The following MAPK8IP3 variants were observed in gnomAD, a reference collection of about 807,000 sequenced individuals.
MAPK8IP3 encodes mitogen-activated protein kinase 8 interacting protein 3, also known as C-Jun-amino-terminal kinase-interacting protein 3.
A neutral mutation model predicts 157.8 loss-of-function variants in MAPK8IP3; 49 were observed. That is an observed-to-expected ratio of 0.31 (90% confidence interval 0.25 to 0.39). The LOEUF (loss-of-function observed/expected upper bound fraction) is 0.39, where lower values mean the gene tolerates loss of function less well. Ranked by LOEUF, MAPK8IP3 falls within the 10% of genes least tolerant of loss-of-function variation. The probability of loss-of-function intolerance (pLI) is 1.00; values close to 1 mark genes in which losing one functional copy is unlikely to be tolerated. For synonymous variants in MAPK8IP3, 897 were observed against 777.7 expected (o/e 1.15, Z -2.55); for missense variants, 1,478 against 1,889.4 (o/e 0.78, Z 4.04).
intron 1 of MAPK8IP3, among the ~76,000 whole-genome samples, chr16:1,713,082 C>T (rs2037902012): frequency 6.6e-6 from 1 of 152,232 alleles, no homozygotes; most frequent in Non-Finnish European, 1.5e-5. Context: ...CCAAACTGTG[C>T]AGTTCCGGAA....
At position 1,724,415 on chromosome 16, in the gene MAPK8IP3, T is replaced by C. The variant is rs1000701693; in HGVS notation, c.319-142T>C. The C allele has an allele frequency of 3.5e-6, 4 of 1,154,948 alleles. No homozygotes were observed. The highest frequency in any genetic ancestry group is 1.5e-5 in the African/African-American group (1 of 64,774). 71.5% of individuals were successfully genotyped at this position (1,154,948 alleles called of 1,614,324 possible). ...ACAGCCACGTGGCGGGAAGCCCCCA[T>C]TCCGGCCTGGCCATGGGCCAGCTTG... On this transcript the variant is annotated intron_variant, in intron 1 of 31. Transcript: ENST00000610761. The surrounding 1 kb of genome is among the most constrained non-coding windows in gnomAD (Gnocchi z 4.1).
At position 1,763,745 on chromosome 16, in the gene MAPK8IP3, C is replaced by T; in HGVS notation, c.1987C>T (p.Gln663Ter). 6.3e-7 allele frequency: 1 copy of T among 1,589,620 alleles called. No homozygotes were observed. The highest frequency in any genetic ancestry group is 8.6e-7 in the Non-Finnish European group (1 of 1,166,906). The change falls in exon 17 of 32, where the codon CAG (glutamine) becomes TAG (stop). Residue 663 changes from glutamine (Q) to a stop codon, truncating the protein, a stop_gained. Coordinates refer to ENST00000610761, the MANE Select transcript of MAPK8IP3 (RefSeq NM_001318852.2). LOFTEE classifies it high-confidence loss of function. ...EHVRNDDGRL[Q>*]ACGWSLPAKY... ...CGTGCGTAACGACGACGGCCGTCTG[C>T]AGGCCTGCGGCTGGAGCCTGCCCGC... is the stretch of plus-strand genomic sequence containing the variant.
chr16:1,720,119 C>T (rs2038420979), intron 1 of MAPK8IP3, among the ~76,000 whole-genome samples: 1 of 152,258 alleles, frequency 6.6e-6, no homozygotes, highest in South Asian at 2.1e-4. Flanking sequence ...TCTTGGCTCA[C>T]TGCAACCTGG....
intron 4 of MAPK8IP3, among the ~76,000 whole-genome samples, chr16:1,738,908 T>C (rs1413592304): frequency 8.3e-6 from 1 of 120,672 alleles, no homozygotes; most frequent in Admixed American, 9.1e-5. Flanking sequence ...ACCATCCGTG[T>C]AGCATCCATG....
rs2040663916 is a variant in MAPK8IP3, at chr16:1,741,300, G to A, written c.603-2032G>A. Among the ~76,000 whole-genome samples the A allele has an allele frequency of 6.6e-6, 1 of 152,192 alleles. No homozygotes were observed. Among genetic ancestry groups the A allele is most frequent in the Non-Finnish European group, 1.5e-5 (1 of 68,028 alleles). On this transcript the variant is annotated intron_variant, in intron 4 of 31. Coordinates refer to ENST00000610761, the MANE Select transcript of MAPK8IP3 (RefSeq NM_001318852.2). The surrounding 1 kb of genome is among the most constrained non-coding windows in gnomAD (Gnocchi z 6.9). The stretch of plus-strand genomic sequence containing the variant: ...ACGGGGTCAGTCGGCAAACGCTCAC[G>A]AGCCTGAGGCCAGGGCCTGGGGGCC...
chr16:1,763,742 C>T lies in MAPK8IP3; in HGVS notation c.1984C>T (p.Leu662=). The change falls in exon 17 of 32, where the codon CTG becomes TTG. Residue 662 remains leucine (L), a synonymous_variant. Coordinates refer to ENST00000610761, the MANE Select transcript of MAPK8IP3 (RefSeq NM_001318852.2). ...GCACGTGCGTAACGACGACGGCCGT[C>T]TGCAGGCCTGCGGCTGGAGCCTGCC... is the stretch of plus-strand genomic sequence containing the variant. ...REHVRNDDGR[L]QACGWSLPAK... is the part of the protein sequence containing the mutation. 3 of 1,590,160 alleles carry T rather than the reference C, an allele frequency of 1.9e-6. No individual in the cohort carries two copies. Among genetic ancestry groups the T allele is most frequent in the Non-Finnish European group, 2.6e-6 (3 of 1,167,170 alleles).
chr16:1,736,874 CCGTGAG>C (rs2039942161), intron 4 of MAPK8IP3, among the ~76,000 whole-genome samples: 2 of 36,002 alleles, frequency 5.6e-5, no homozygotes, highest in African/African-American at 1.2e-4. Flanking sequence ...ATGTGAGCAT[CCGTGAG>C]CGTGTGACCG....
intron 25 of MAPK8IP3, 60 bp from the exon 26 acceptor site, chr16:1,767,089 A>C (rs2042314498): frequency 6.3e-7 from 1 of 1,598,316 alleles, no homozygotes; most frequent in South Asian, 1.1e-5. Flanking sequence ...TCTCAACCCG[A>C]TGCCCTGAGC....
In MAPK8IP3 at chr16:1,764,303, G is replaced by C; in HGVS notation, c.2124G>C (p.Leu708=). 7 of 1,579,176 alleles carry C rather than the reference G, an allele frequency of 4.4e-6. No homozygotes were observed. The highest frequency in any genetic ancestry group is 6.0e-6 in the Non-Finnish European group (7 of 1,163,774). The change falls in exon 19 of 32, where the codon CTG becomes CTC. Residue 708 remains leucine, a splice_region_variant and synonymous_variant. Coordinates refer to ENST00000610761, the MANE Select transcript of MAPK8IP3 (RefSeq NM_001318852.2). Reference sequence around the variant, plus strand: ...CGACCTCGGCCCTGCCCTTGCAGCTGTGGTGTGCCGCGGGCGTCAACCTGA... The same window carrying C: ...CGACCTCGGCCCTGCCCTTGCAGCTCTGGTGTGCCGCGGGCGTCAACCTGA... ...PLVEKDPTMK[L]WCAAGVNLSG... is the part of the protein sequence containing the mutation.
Position 1,767,685 on chromosome 16 carries a change from A to G in MAPK8IP3, c.3359A>G (p.His1120Arg). The change falls in exon 27 of 32, where the codon CAC becomes CGC. Residue 1120 changes from histidine to arginine, a missense_variant. His to Arg is a conservative substitution (Grantham distance 29). This residue lies in a region of MAPK8IP3 where 68 missense variants were observed against 125.1 expected (regional missense o/e 0.54). Transcript: ENST00000610761. ...STLRLYHAHT[H>R]QHLQDVDIEP... ...CTGAGGCTCTACCATGCACACACGC[A>G]CCAGCATCTACAGGACGTGGACATT... 1 of 1,612,774 alleles carries G rather than the reference A, an allele frequency of 6.2e-7. No individual in the cohort carries two copies. Among genetic ancestry groups the G allele is most frequent in the South Asian group, 1.1e-5 (1 of 91,086 alleles).
rs1193480073 is a variant in MAPK8IP3 at position 1,710,648 on chromosome 16, T to C, written c.318+3991T>C. Among the ~76,000 whole-genome samples the C allele has an allele frequency of 1.3e-5, 2 of 152,202 alleles. No homozygotes were observed. Among genetic ancestry groups the C allele is most frequent in the African/African-American group, 4.8e-5 (2 of 41,442 alleles). On this transcript the variant is annotated intron_variant, in intron 1 of 31. Coordinates refer to ENST00000610761, the MANE Select transcript of MAPK8IP3 (RefSeq NM_001318852.2). This position sits in a 1 kb window ranked among gnomAD's most constrained non-coding sequence, Gnocchi z 4.1. ...GCCAGACGATCTGCAGGAAGTCTTT[T>C]CCATCAATGAATTAAGATGCTGAAT...
chr16:1,712,219 G>T (rs1192653735), intron 1 of MAPK8IP3, among the ~76,000 whole-genome samples: 1 of 151,468 alleles, frequency 6.6e-6, no homozygotes, highest in Admixed American at 6.6e-5. Context: ...CCGCCAACAC[G>T]CCCGGCTAAT....
At chr16:1,744,921 ATT>A in intron 5 of MAPK8IP3, 1 of 974,474 alleles carries the variant, frequency 1.0e-6, no homozygotes, top group Non-Finnish European at 1.2e-6. Flanking sequence ...TAATTTCTTA[ATT>A]TTTTTGTTGT....
intron 1 of MAPK8IP3, among the ~76,000 whole-genome samples, chr16:1,717,838 C>T (rs1053908293): frequency 6.6e-6 from 1 of 151,732 alleles, no homozygotes; most frequent in African/African-American, 2.4e-5. Flanking sequence ...AAGTCCCCAC[C>T]ACTGAAAATT....
At position 1,724,707 on chromosome 16, in the gene MAPK8IP3, G is replaced by A. The variant is rs532051332; in HGVS notation, c.439+30G>A. ...GTGGCTGGCGGGAGCCTGGAGGCGC[G>A]CTTGATGGGCGCTGCTCTGGGACGG... On this transcript the variant is annotated intron_variant, in intron 2 of 31. Transcript: ENST00000610761. This position sits in a 1 kb window ranked among gnomAD's most constrained non-coding sequence, Gnocchi z 4.1. 1.7e-5 allele frequency: 28 copies of A among 1,603,898 alleles called. No individual in the cohort carries two copies. In the Admixed American group the frequency reaches 2.2e-4, roughly 12 times the overall value.
rs2042231038 is a variant in MAPK8IP3 at position 1,765,927 on chromosome 16, C to T, written c.2447-33C>T. On this transcript the variant is annotated intron_variant, in intron 20 of 31. Transcript: ENST00000610761. ...CACGCCCTTGCAGTAGTGGGTTCCCCCGCACAGGCTGACGGGCCGTCCCTC... is the reference window on the plus strand; with the variant it reads ...CACGCCCTTGCAGTAGTGGGTTCCCTCGCACAGGCTGACGGGCCGTCCCTC... 4.4e-6 allele frequency: 7 copies of T among 1,582,010 alleles called. No individual in the cohort carries two copies. The East Asian group carries it at 1.4e-4, about 31-fold the overall frequency.
intron 1 of MAPK8IP3, among the ~76,000 whole-genome samples, chr16:1,722,458 GTTA>G (rs1377431532): frequency 1.3e-5 from 2 of 152,190 alleles, no homozygotes; most frequent in Admixed American, 1.3e-4. Context: ...AGTGGGTAGA[GTTA>G]TTATAGGGAA....
intron 1 of MAPK8IP3, among the ~76,000 whole-genome samples, chr16:1,717,331 G>T (rs373465293): frequency 6.6e-6 from 1 of 152,044 alleles, no homozygotes; most frequent in South Asian, 2.1e-4. Flanking sequence ...CCCTTTGGTC[G>T]TGGGAGGGAT....
intron 7 of MAPK8IP3, 32 bp from the exon 8 acceptor site, chr16:1,748,570 T>C: frequency 1.3e-6 from 2 of 1,567,600 alleles, no homozygotes; most frequent in South Asian, 2.2e-5. Context: ...CCACTGACTC[T>C]GCTCTCTCTC....
Sources: gnomAD v4.1 joint callset for allele counts (sites outside exome capture counted in the v4.1 genomes callset) on GRCh38, gnomAD v4.1.1 for gene constraint, gnomAD v4.1.1 regional missense constraint, Gnocchi (gnomAD v3.1) non-coding constraint, MANE v1.5 for transcripts, NCBI Gene and HGNC (gene_info 2026-07-23, HGNC 2026-07-21) for gene names.